The following ZBTB45 variants were observed in gnomAD, a reference collection of about 807,000 sequenced individuals.
The protein encoded by ZBTB45 is zinc finger and BTB domain containing 45.
In ZBTB45, 22 loss-of-function variants were observed where a neutral mutation model predicts 28.4. The ratio of observed to expected loss-of-function variants is 0.77; its 90% CI spans 0.55 to 1.10. The LOEUF (loss-of-function observed/expected upper bound fraction) is 1.10. Ranked by LOEUF, ZBTB45 falls within the 50% of genes least tolerant of loss-of-function variation. The pLI is 0.00. For missense variants in ZBTB45, 656 were observed against 750.2 expected (o/e 0.87, Z 1.47); for synonymous variants, 361 against 332.3 (o/e 1.09, Z -0.94).
At chr19:58,530,905 G>A (rs566721671) in intron 1 of ZBTB45, among the ~76,000 whole-genome samples, 2 of 151,854 alleles carry the variant, frequency 1.3e-5, no homozygotes, top group Non-Finnish European at 2.9e-5. Flanking sequence ...GGATGGTCTC[G>A]ATCTCCCGAC....
At chr19:58,537,303 T>C in intron 1 of ZBTB45, among the ~76,000 whole-genome samples, 1 of 152,140 alleles carries the variant, frequency 6.6e-6, no homozygotes, top group Non-Finnish European at 1.5e-5. Flanking sequence ...GCTGCTGGCA[T>C]TGGGTAACAC....
upstream of ZBTB45, among the ~76,000 whole-genome samples, chr19:58,522,307 A>G (rs62114660): frequency 0.85 from 128,378 of 151,482 alleles, 56,186 homozygotes; most frequent in Non-Finnish European, 0.96. Flanking sequence ...GATTACAGGC[A>G]CCTACCACCA....
intron 1 of ZBTB45, among the ~76,000 whole-genome samples, chr19:58,530,584 G>A (rs1187640400): frequency 6.6e-6 from 1 of 152,188 alleles, no homozygotes; most frequent in South Asian, 2.1e-4. Flanking sequence ...GGGACTACAG[G>A]CGTGAGCCAC....
At chr19:58,536,417 G>A (rs188889864) in intron 1 of ZBTB45, among the ~76,000 whole-genome samples, 1 of 148,672 alleles carries the variant, frequency 6.7e-6, no homozygotes, top group Non-Finnish European at 1.5e-5. Context: ...AGTGAGCCAA[G>A]ATCGCGCCAC....
At position 58,513,726 on chromosome 19, in the gene ZBTB45, A is replaced by C; in HGVS notation, c.*328T>G. The C allele has an allele frequency of 3.9e-6, 1 of 257,806 alleles. No homozygotes were observed. The allele number at this position is 257,806 out of a possible 1,614,324, so 16.0% of individuals were successfully genotyped here. Reference sequence around the variant, plus strand: ...GCCCCCCAGCCCCCACCACCACCCCAGGAGAGGGCGGGGTGAGAACCGGAG... The same window carrying C: ...GCCCCCCAGCCCCCACCACCACCCCCGGAGAGGGCGGGGTGAGAACCGGAG... On this transcript the variant is annotated 3_prime_UTR_variant, in exon 3 of 3. Transcript: ENST00000594051.
At chr19:58,530,714 C>T (rs764922791) in intron 1 of ZBTB45, among the ~76,000 whole-genome samples, 12 of 150,054 alleles carry the variant, frequency 8.0e-5, no homozygotes, top group Non-Finnish European at 1.8e-4. Context: ...GACAGAGTCT[C>T]GCTCTGTCGC....
At chr19:58,533,867 C>G (rs1046452613) in intron 1 of ZBTB45, among the ~76,000 whole-genome samples, 1 of 152,118 alleles carries the variant, frequency 6.6e-6, no homozygotes, top group Non-Finnish European at 1.5e-5. Flanking sequence ...AGAATGCAGT[C>G]AAGAGAACAT....
At chr19:58,538,194 C>CT (rs954140596) in intron 1 of ZBTB45, among the ~76,000 whole-genome samples, 44 of 148,094 alleles carry the variant, frequency 3.0e-4, no homozygotes, top group East Asian at 1.2e-3. Context: ...CCAGCACCAA[C>CT]TTTTTTTTTT....
chr19:58,524,666 G>A (rs1338055394), upstream of ZBTB45, among the ~76,000 whole-genome samples: 4 of 151,788 alleles, frequency 2.6e-5, no homozygotes, highest in East Asian at 1.9e-4. Context: ...GGCGGATCAC[G>A]AGGTCAGGAG....
At position 58,517,358 on chromosome 19, in the gene ZBTB45, C is replaced by T. The variant is rs1343410431; in HGVS notation, c.316G>A (p.Ala106Thr). The change falls in exon 2 of 3, where the codon GCG becomes ACG. Residue 106 changes from alanine (A) to threonine (T), a missense_variant. By Grantham distance (58) the Ala-to-Thr change is moderately conservative (BLOSUM62 0). Around this residue, in one of 3 missense-constraint regions of ZBTB45, gnomAD observed 105 missense variants for 152.4 expected, o/e 0.69. Coordinates refer to ENST00000594051, the MANE Select transcript of ZBTB45 (RefSeq NM_001316979.2). ...QGEALQVLTA[A>T]SVLRIQTVID... ...ACTGTCTGTATGCGAAGCACTGACG[C>T]GGCCGTGAGCACCTGCAGGGCTTCA... 1.2e-6 allele frequency: 2 copies of T among 1,612,274 alleles called. No homozygotes were observed. Among genetic ancestry groups the T allele is most frequent in the African/African-American group, 1.3e-5 (1 of 75,026 alleles).
In ZBTB45 at chr19:58,513,982, T is replaced by G; in HGVS notation, c.*72A>C. The G allele has an allele frequency of 3.7e-6, 5 of 1,338,706 alleles. No individual in the cohort carries two copies. Among genetic ancestry groups the G allele is most frequent in the East Asian group, 3.0e-5 (1 of 32,950 alleles). The allele number at this position is 1,338,706 out of a possible 1,614,324, so 82.9% of individuals were successfully genotyped here. A position where few individuals can be genotyped will look rare whatever the true frequency, so the allele number is the denominator to read the frequency against. On this transcript the variant is annotated 3_prime_UTR_variant, in exon 3 of 3. Transcript: ENST00000594051. ...GTGGTCTAGTGGCGGGAACCACGGG[T>G]CCCGCAGCGGGCGTGGCCGACTGTG... is the stretch of plus-strand genomic sequence containing the variant.
Position 58,513,986 on chromosome 19 carries a change from G to A in ZBTB45, c.*68C>T, listed in dbSNP as rs2053450769. 1 of 1,346,770 alleles carries A rather than the reference G, an allele frequency of 7.4e-7. No individual in the cohort carries two copies. The allele number at this position is 1,346,770 out of a possible 1,614,324, so 83.4% of individuals were successfully genotyped here. On this transcript the variant is annotated 3_prime_UTR_variant, in exon 3 of 3. Coordinates refer to ENST00000594051, the MANE Select transcript of ZBTB45 (RefSeq NM_001316979.2). ...TCTAGTGGCGGGAACCACGGGTCCC[G>A]CAGCGGGCGTGGCCGACTGTGCGGG...
intron 1 of ZBTB45, among the ~76,000 whole-genome samples, chr19:58,528,797 G>C (rs1875474204): frequency 6.6e-6 from 1 of 151,368 alleles, no homozygotes; most frequent in South Asian, 2.1e-4. Flanking sequence ...AGGAGGCTGA[G>C]GCAGGAGAAT....
At chr19:58,523,978 G>A (rs1454214125), upstream of ZBTB45, among the ~76,000 whole-genome samples, 1 of 142,556 alleles carries the variant, frequency 7.0e-6, no homozygotes, top group Non-Finnish European at 1.5e-5. Flanking sequence ...GGAGGCTGAA[G>A]CAGAAGAATC....
In ZBTB45 at chr19:58,516,418, GTGTAGTTT is replaced by G; in HGVS notation, c.1248_1255del (p.Lys416AsnfsTer125). ...ACCCGAGTGGATGAACATGTGCTTGGTGTAGTTTTTCCGGGAGCTGAACGTCTTGCGAC... is the reference window on the plus strand; with the variant it reads ...ACCCGAGTGGATGAACATGTGCTTGGTTCCGGGAGCTGAACGTCTTGCGAC... On this transcript the variant is annotated frameshift_variant, in exon 2 of 3. Coordinates refer to ENST00000594051, the MANE Select transcript of ZBTB45 (RefSeq NM_001316979.2). LOFTEE classifies it high-confidence loss of function. The surrounding 1 kb of genome is among the most constrained non-coding windows in gnomAD (Gnocchi z 6.2). The G allele has an allele frequency of 6.2e-7, 1 of 1,613,968 alleles. No homozygotes were observed.
exon 1 of ZBTB45, chr19:58,538,847 C>G (rs558860259): frequency 6.6e-6 from 1 of 152,150 alleles, no homozygotes; most frequent in African/African-American, 2.4e-5. Context: ...AGGGGCACCG[C>G]ACAGGGGGCT....
At position 58,514,089 on chromosome 19, in the gene ZBTB45, G is replaced by A. The variant is rs1568638109; in HGVS notation, c.1501C>T (p.Leu501=). The change falls in exon 3 of 3, where the codon CTG becomes TTG. Residue 501 remains leucine, a synonymous_variant. Coordinates refer to ENST00000594051, the MANE Select transcript of ZBTB45 (RefSeq NM_001316979.2). ...GGGTGCGCCGCCAGGTGGCGCTCCA[G>A]CAGCGCGCGGTGCGAGAAGACCTTG... ...CGKVFSHRAL[L]ERHLAAHPAP 6.4e-7 allele frequency: 1 copy of A among 1,571,270 alleles called. No homozygotes were observed. Among genetic ancestry groups the A allele is most frequent in the Non-Finnish European group, 8.6e-7 (1 of 1,161,400 alleles).
At chr19:58,530,835 C>T (rs1753450746) in intron 1 of ZBTB45, among the ~76,000 whole-genome samples, 1 of 152,266 alleles carries the variant, frequency 6.6e-6, no homozygotes, top group African/African-American at 2.4e-5. Context: ...AGGCGCCCGC[C>T]ACCACGCCTG....
In ZBTB45 at chr19:58,513,931, G is replaced by C; in HGVS notation, c.*123C>G. The C allele has an allele frequency of 1.7e-6, 2 of 1,192,724 alleles. No homozygotes were observed. Among genetic ancestry groups the C allele is most frequent in the Admixed American group, 4.0e-5 (1 of 25,202 alleles). The allele number at this position is 1,192,724 out of a possible 1,614,324, so 73.9% of individuals were successfully genotyped here. On this transcript the variant is annotated 3_prime_UTR_variant, in exon 3 of 3. Transcript: ENST00000594051. ...GGTATGGAGAAAGGGTGAAGGGAGA[G>C]AGAGGACCTGCGCTCAGGAGGGAGC...
Sources: allele counts gnomAD v4.1 joint callset (sites outside exome capture counted in the v4.1 genomes callset), GRCh38; gene constraint gnomAD v4.1.1; regional missense constraint gnomAD v4.1.1; non-coding constraint Gnocchi (gnomAD v3.1); transcripts MANE v1.5; gene names NCBI Gene and HGNC (gene_info 2026-07-23, HGNC 2026-07-21).